KIF21B: variants seen among roughly 807,000 people sequenced by gnomAD.
The protein encoded by KIF21B is kinesin family member 21B, also known as kinesin-like protein KIF21B.
In KIF21B, 85 loss-of-function variants were observed where a neutral mutation model predicts 192.9. That is an observed-to-expected ratio of 0.44 (90% CI 0.37 to 0.53). The LOEUF is 0.53. Among genes scored for constraint, KIF21B ranks in the 20% least tolerant of loss-of-function variants. The probability of loss-of-function intolerance (pLI) is 0.00; values close to 1 mark genes in which losing one functional copy is unlikely to be tolerated. For synonymous variants in KIF21B, 832 were observed against 884.6 expected (o/e 0.94, Z 1.05); for missense variants, 1,716 against 2,194.8 (o/e 0.78, Z 4.36).
At position 200,990,958 on chromosome 1, in the gene KIF21B, C is replaced by A. The variant is rs1332050334; in HGVS notation, c.2646G>T (p.Gly882=). Residue 882 remains glycine, a synonymous_variant, in exon 18 of 35, where the codon GGG becomes GGT. Transcript: ENST00000461742. The surrounding 1 kb of genome is among the most constrained non-coding windows in gnomAD (Gnocchi z 5.4). ...CATTGACAGTGGGCGCAGGATGGTC[C>A]CCCAAGAAGTGGTTGATTTTGCGGT... ...QWNRKINHFL[G]DHPAPTVNGT... is the part of the protein sequence containing the mutation. 1 of 1,614,150 alleles carries A rather than the reference C, an allele frequency of 6.2e-7. No homozygotes were observed. The highest frequency in any genetic ancestry group is 1.3e-5 in the African/African-American group (1 of 75,040).
intron 1 of KIF21B, among the ~76,000 whole-genome samples, chr1:201,013,846 T>C (rs1389441996): frequency 6.6e-6 from 1 of 152,240 alleles, no homozygotes; most frequent in East Asian, 1.9e-4. Context: ...GCCAGCTGCC[T>C]GTTTCTGTCA....
chr1:200,998,900 G>A lies in KIF21B; in HGVS notation c.1886-325C>T, dbSNP rs1045502832. Among the ~76,000 whole-genome samples the A allele has an allele frequency of 2.0e-5, 3 of 152,306 alleles. No homozygotes were observed. The highest frequency in any genetic ancestry group is 2.9e-5 in the Non-Finnish European group (2 of 68,028). On this transcript the variant is annotated intron_variant, in intron 13 of 34. Coordinates refer to ENST00000461742, the MANE Select transcript of KIF21B (RefSeq NM_001252102.2). This position sits in a 1 kb window ranked among gnomAD's most constrained non-coding sequence, Gnocchi z 4.3. ...CAGTGGAGGAGGGTGAGATGGCTGA[G>A]AGCAACTTACAGGGCTAGGGCCAGG...
At chr1:200,987,533 C>A (rs1427077541) in intron 24 of KIF21B, among the ~76,000 whole-genome samples, 1 of 152,166 alleles carries the variant, frequency 6.6e-6, no homozygotes, top group African/African-American at 2.4e-5. Context: ...CATGAGCCAC[C>A]ACACCCAGCC....
intron 24 of KIF21B, 101 bp downstream of exon 24, chr1:200,988,195 G>C: frequency 8.5e-7 from 1 of 1,174,902 alleles, no homozygotes; most frequent in Non-Finnish European, 1.3e-6. Flanking sequence ...GGACAACATT[G>C]TGTTGTGGCT....
chr1:201,019,224 C>T (rs1053416550), intron 1 of KIF21B, among the ~76,000 whole-genome samples: 1 of 152,126 alleles, frequency 6.6e-6, no homozygotes, highest in South Asian at 2.1e-4. Flanking sequence ...TGAGCCACTG[C>T]GCCTGGCCTA....
Position 201,004,442 on chromosome 1 carries a change from T to C in KIF21B, c.914A>G (p.Asn305Ser). 6.4e-7 allele frequency: 1 copy of C among 1,574,734 alleles called. No individual in the cohort carries two copies. Among genetic ancestry groups the C allele is most frequent in the Non-Finnish European group, 8.6e-7 (1 of 1,159,124 alleles). The change falls in exon 7 of 35, where the codon AAT becomes AGT. Residue 305 changes from asparagine (N) to serine (S), a missense_variant. Physicochemically the swap from Asn to Ser is conservative, Grantham distance 46 (BLOSUM62 1). Coordinates refer to ENST00000461742, the MANE Select transcript of KIF21B (RefSeq NM_001252102.2). ...SINCGLLALGNVISALGDQSK... is the reference protein window; with the variant it reads ...SINCGLLALGSVISALGDQSK... ...CTGGTCCCCTAAGGCGCTGATCACA[T>C]TGCCCAAGGCCAGCTGTGGGAGACA... is the stretch of plus-strand genomic sequence containing the variant.
chr1:201,000,840 G>A lies in KIF21B; in HGVS notation c.1403-60C>T, dbSNP rs886495477. On this transcript the variant is annotated intron_variant, in intron 9 of 34. Transcript: ENST00000461742. The surrounding 1 kb of genome is among the most constrained non-coding windows in gnomAD (Gnocchi z 6.0). ...AGAAGATAAATAGGCCAGCGCGGTG[G>A]CTCAGACCTATAATTCCAGCACTTT... 4 of 1,573,588 alleles carry A rather than the reference G, an allele frequency of 2.5e-6. No homozygotes were observed. Among genetic ancestry groups the A allele is most frequent in the Admixed American group, 3.3e-5 (2 of 59,866 alleles).
intron 3 of KIF21B, among the ~76,000 whole-genome samples, chr1:201,007,646 ACACACAGACGCG>A (rs1657979209): frequency 6.6e-6 from 1 of 151,830 alleles, no homozygotes. Context: ...ACACACACAC[ACACACAGACGCG>A]CACACAGAGA....
In KIF21B at chr1:200,975,430, C is replaced by T. The variant is rs1449681752; in HGVS notation, c.4614+69G>A. ...CCGCGAGTCCAGGTCCCAGGGTCTC[C>T]AAGGCCCTGCGTGGGCTATGGAAAC... On this transcript the variant is annotated intron_variant, in intron 33 of 34. Coordinates refer to ENST00000461742, the MANE Select transcript of KIF21B (RefSeq NM_001252102.2). The surrounding 1 kb of genome is among the most constrained non-coding windows in gnomAD (Gnocchi z 4.3). 1.2e-5 allele frequency: 17 copies of T among 1,464,230 alleles called. No homozygotes were observed. The highest frequency in any genetic ancestry group is 1.8e-4 in the Middle Eastern group (1 of 5,608). 90.7% of individuals were successfully genotyped at this position (1,464,230 alleles called of 1,614,324 possible). A position where few individuals can be genotyped will look rare whatever the true frequency, so the allele number is the denominator to read the frequency against.
chr1:201,016,101 C>CA (rs1451651388), intron 1 of KIF21B, among the ~76,000 whole-genome samples: 1 of 152,202 alleles, frequency 6.6e-6, no homozygotes, highest in African/African-American at 2.4e-5. Flanking sequence ...TAAGGCTCAG[C>CA]AGGTGAAATT....
Position 200,990,774 on chromosome 1 carries a change from A to G in KIF21B, c.2688-51T>C. On this transcript the variant is annotated intron_variant, in intron 18 of 34. Transcript: ENST00000461742. This position sits in a 1 kb window ranked among gnomAD's most constrained non-coding sequence, Gnocchi z 5.4. Reference sequence around the variant, plus strand: ...GGATGGGACTCCTTTTAACCTCTGCAGCTCCACTGAGCCCCCATCTGGAGC... The same window carrying G: ...GGATGGGACTCCTTTTAACCTCTGCGGCTCCACTGAGCCCCCATCTGGAGC... 6.2e-7 allele frequency: 1 copy of G among 1,604,442 alleles called. No individual in the cohort carries two copies. The highest frequency in any genetic ancestry group is 8.5e-7 in the Non-Finnish European group (1 of 1,173,396).
At chr1:200,993,645 G>A (rs1050935064) in intron 15 of KIF21B, among the ~76,000 whole-genome samples, 5 of 152,038 alleles carry the variant, frequency 3.3e-5, no homozygotes, top group African/African-American at 1.2e-4. Flanking sequence ...ACCTACTCAG[G>A]AGGCTGAGGT....
At chr1:200,984,367 A>G (rs16847470) in intron 27 of KIF21B, among the ~76,000 whole-genome samples, 39,128 of 152,162 alleles carry the variant, frequency 0.26, 6,031 homozygotes, top group African/African-American at 0.43. Flanking sequence ...AAACCACACC[A>G]TTAGGCAGTA....
In KIF21B at chr1:200,996,411, C is replaced by T. The variant is rs201252641; in HGVS notation, c.2078-16G>A. On this transcript the variant is annotated splice_polypyrimidine_tract_variant and intron_variant, in intron 14 of 34. Transcript: ENST00000461742. ...TCCATGGTGCCTGAGAGCAAGGAGA[C>T]GCAGCTGTCGGTGCTGGGTCCCTAA... The T allele has an allele frequency of 3.0e-5, 49 of 1,612,032 alleles. No individual in the cohort carries two copies. The highest frequency in any genetic ancestry group is 1.7e-4 in the African/African-American group (13 of 74,988).
At chr1:201,020,040 C>G (rs538094609) in intron 1 of KIF21B, among the ~76,000 whole-genome samples, 1 of 152,218 alleles carries the variant, frequency 6.6e-6, no homozygotes, top group Admixed American at 6.5e-5. Flanking sequence ...GGATCCCCCC[C>G]AAACCCCTAC....
intron 34 of KIF21B, chr1:200,973,853 C>A: frequency 3.5e-6 from 5 of 1,440,932 alleles, no homozygotes; most frequent in Non-Finnish European, 4.5e-6. Flanking sequence ...AAGGCTCCCC[C>A]TTCTGCTCCC....
intron 31 of KIF21B, 46 bp downstream of exon 31, chr1:200,977,153 ACCTGGGGACCTTG>A: frequency 6.4e-7 from 1 of 1,557,992 alleles, no homozygotes. Flanking sequence ...CTGAACCAAG[ACCTGGGGACCTTG>A]CCTGGGAATG....
At position 200,990,810 on chromosome 1, in the gene KIF21B, G is replaced by A. The variant is rs565737066; in HGVS notation, c.2688-87C>T. ...GCCCCCATCTGGAGCTGACAGCCACGGGGACCCGGAGCACTCCCCAGAGCT... is the reference window on the plus strand; with the variant it reads ...GCCCCCATCTGGAGCTGACAGCCACAGGGACCCGGAGCACTCCCCAGAGCT... On this transcript the variant is annotated intron_variant, in intron 18 of 34. Coordinates refer to ENST00000461742, the MANE Select transcript of KIF21B (RefSeq NM_001252102.2). The surrounding 1 kb of genome is among the most constrained non-coding windows in gnomAD (Gnocchi z 5.4). The A allele has an allele frequency of 2.3e-5, 37 of 1,593,108 alleles. No homozygotes were observed. The highest frequency in any genetic ancestry group is 1.6e-4 in the African/African-American group (12 of 74,606).
In KIF21B at chr1:200,972,421, T is replaced by C. The variant is rs296570; in HGVS notation, c.*1100A>G. On this transcript the variant is annotated 3_prime_UTR_variant, in exon 35 of 35. Transcript: ENST00000461742. ...CACCTCCCAGCAGACACAGCCCCCA[T>C]GCTGCTTCCTACGTGGCCCACGCAG... The C allele has an allele frequency of 0.97, 147,295 of 152,410 alleles. 71,330 individuals carry two copies. Among genetic ancestry groups the C allele is most frequent in the Non-Finnish European group, 0.99 (67,431 of 68,124 alleles). The allele number at this position is 152,410 out of a possible 1,614,324, so 9.4% of individuals were successfully genotyped here. A position where few individuals can be genotyped will look rare whatever the true frequency, so the allele number is the denominator to read the frequency against.
Sources: allele counts gnomAD v4.1 joint callset (sites outside exome capture counted in the v4.1 genomes callset), GRCh38; gene constraint gnomAD v4.1.1; non-coding constraint Gnocchi (gnomAD v3.1); transcripts MANE v1.5; gene names NCBI Gene and HGNC (gene_info 2026-07-23, HGNC 2026-07-21).